TESK2: variants seen among roughly 807,000 people sequenced by gnomAD.
The protein encoded by TESK2 is testis associated actin remodelling kinase 2.
In TESK2, 39 loss-of-function variants were observed where a neutral mutation model predicts 57.1. The ratio of observed to expected loss-of-function variants is 0.68; its 90% CI spans 0.53 to 0.89. The LOEUF is 0.89. Ranked by LOEUF, TESK2 falls within the 40% of genes least tolerant of loss-of-function variation. The pLI, the probability that TESK2 is intolerant of heterozygous loss-of-function variation, is 0.00. For missense variants in TESK2, 646 were observed against 732.1 expected (o/e 0.88, Z 1.36); for synonymous variants, 249 against 267.9 (o/e 0.93, Z 0.69).
chr1:45,447,506 A>C (rs1651689086), intron 2 of TESK2, among the ~76,000 whole-genome samples: 1 of 152,124 alleles, frequency 6.6e-6, no homozygotes, highest in South Asian at 2.1e-4. Context: ...TGGAGCTATC[A>C]TATCCTATGA....
intron 2 of TESK2, among the ~76,000 whole-genome samples, chr1:45,428,735 C>A (rs1163508655): frequency 6.6e-6 from 1 of 151,346 alleles, no homozygotes; most frequent in Non-Finnish European, 1.5e-5. Context: ...AACTCCTGGG[C>A]TCAAGCAGTC....
intron 3 of TESK2, among the ~76,000 whole-genome samples, chr1:45,419,370 A>G (rs1650371764): frequency 1.3e-5 from 2 of 152,172 alleles, no homozygotes; most frequent in African/African-American, 4.8e-5. Flanking sequence ...TGTCTTAGTT[A>G]ATTTATTAGT....
chr1:45,471,033 C>T (rs1691221), intron 1 of TESK2, among the ~76,000 whole-genome samples: 30,764 of 151,900 alleles, frequency 0.2, 3,384 homozygotes, highest in Non-Finnish European at 0.26. Flanking sequence ...GAGGTCGAGA[C>T]CATCCTGGCC....
In TESK2 at chr1:45,407,040, T is replaced by C. The variant is rs187292400; in HGVS notation, c.344+14685A>G. Among the ~76,000 whole-genome samples, 21 of 152,306 alleles carry C rather than the reference T, an allele frequency of 1.4e-4. No individual in the cohort carries two copies. The South Asian group carries it at 4.1e-3, about 30-fold the overall frequency. On this transcript the variant is annotated intron_variant, in intron 3 of 10. Coordinates refer to ENST00000372086, the MANE Select transcript of TESK2 (RefSeq NM_007170.3). ...TGTTATAAGATAATTTGGGGTAAAA[T>C]TGACATTCAGGGGAAAAAAATCAAG...
intron 2 of TESK2, among the ~76,000 whole-genome samples, chr1:45,441,702 T>C (rs939829809): frequency 2.7e-5 from 4 of 146,546 alleles, no homozygotes; most frequent in African/African-American, 1.0e-4. Context: ...CATTGCAGCC[T>C]CCGCCTCTCA....
chr1:45,442,617 C>G (rs780612296), intron 2 of TESK2, among the ~76,000 whole-genome samples: 1 of 152,194 alleles, frequency 6.6e-6, no homozygotes, highest in Non-Finnish European at 1.5e-5. Context: ...AACAGGTTGT[C>G]GGCCACTGCT....
chr1:45,375,029 C>G (rs1466057988), intron 4 of TESK2, among the ~76,000 whole-genome samples: 1 of 152,228 alleles, frequency 6.6e-6, no homozygotes, highest in Non-Finnish European at 1.5e-5. Context: ...TTAACTCTCA[C>G]CTTTTTTGCA....
intron 2 of TESK2, among the ~76,000 whole-genome samples, chr1:45,426,555 G>A (rs1650700088): frequency 6.6e-6 from 1 of 152,154 alleles, no homozygotes; most frequent in Non-Finnish European, 1.5e-5. Flanking sequence ...GATTGCTCGA[G>A]TAATACTCCA....
intron 4 of TESK2, among the ~76,000 whole-genome samples, chr1:45,369,467 T>C (rs1353677699): frequency 6.6e-6 from 1 of 151,828 alleles, no homozygotes; most frequent in Non-Finnish European, 1.5e-5. Flanking sequence ...CACTCCAGCC[T>C]GGGCAACAAA....
intron 1 of TESK2, among the ~76,000 whole-genome samples, chr1:45,468,124 C>T (rs531924113): frequency 1.3e-5 from 2 of 151,008 alleles, no homozygotes; most frequent in South Asian, 2.1e-4. Context: ...TGCAGTGAGC[C>T]GTGTTTGGGC....
intron 5 of TESK2, among the ~76,000 whole-genome samples, chr1:45,349,316 C>T (rs1256690041): frequency 6.6e-6 from 1 of 152,208 alleles, no homozygotes; most frequent in East Asian, 1.9e-4. Flanking sequence ...CATGCCTCAT[C>T]TCTGGCTTCC....
chr1:45,417,774 G>A (rs1239269915), intron 3 of TESK2, among the ~76,000 whole-genome samples: 1 of 151,970 alleles, frequency 6.6e-6, no homozygotes, highest in East Asian at 1.9e-4. Context: ...TATATTTTTA[G>A]TAGAGACGGG....
chr1:45,458,206 C>A (rs1652184546), intron 1 of TESK2, among the ~76,000 whole-genome samples: 1 of 152,100 alleles, frequency 6.6e-6, no homozygotes, highest in South Asian at 2.1e-4. Context: ...CTCAGATAAT[C>A]CATGATATAA....
chr1:45,381,258 T>C (rs922804717), intron 4 of TESK2, among the ~76,000 whole-genome samples: 5 of 152,196 alleles, frequency 3.3e-5, no homozygotes, highest in Admixed American at 3.3e-4. Flanking sequence ...TTACAGGGCA[T>C]GGTTGATTGT....
At chr1:45,363,451 G>C (rs1647778173) in intron 4 of TESK2, among the ~76,000 whole-genome samples, 1 of 152,156 alleles carries the variant, frequency 6.6e-6, no homozygotes, top group African/African-American at 2.4e-5. Context: ...ATTACTTGTA[G>C]GATAAAACCC....
intron 2 of TESK2, among the ~76,000 whole-genome samples, chr1:45,434,951 T>C (rs1474192202): frequency 7.3e-6 from 1 of 137,634 alleles, no homozygotes; most frequent in Non-Finnish European, 1.6e-5. Flanking sequence ...CTCTGTTTAC[T>C]TTTCTTTCTT....
intron 3 of TESK2, among the ~76,000 whole-genome samples, chr1:45,409,660 G>C (rs752441654): frequency 6.6e-6 from 1 of 152,110 alleles, no homozygotes; most frequent in African/African-American, 2.4e-5. Context: ...TAAGTGTAGA[G>C]GTAAAAAGAC....
chr1:45,443,442 T>C (rs1651523069), intron 2 of TESK2, among the ~76,000 whole-genome samples: 1 of 151,242 alleles, frequency 6.6e-6, no homozygotes, highest in Non-Finnish European at 1.5e-5. Context: ...ATGTGGTGCA[T>C]GCCTGTGGTC....
chr1:45,450,731 T>C (rs1019263486), intron 2 of TESK2, among the ~76,000 whole-genome samples: 2 of 152,118 alleles, frequency 1.3e-5, no homozygotes, highest in Non-Finnish European at 2.9e-5. Flanking sequence ...AAAAGACTGA[T>C]ATGTTTATTT....
Sources: gnomAD v4.1 joint callset for allele counts (sites outside exome capture counted in the v4.1 genomes callset) on GRCh38, gnomAD v4.1.1 for gene constraint, MANE v1.5 for transcripts, NCBI Gene and HGNC (gene_info 2026-07-23, HGNC 2026-07-21) for gene names.